The following ZFAT variants were observed in gnomAD, a reference collection of about 807,000 sequenced individuals.
The protein encoded by ZFAT is zinc finger protein ZFAT.
Under a neutral mutation model 117.7 loss-of-function variants are expected in ZFAT, and 64 were observed. The ratio of observed to expected loss-of-function variants is 0.54; its 90% CI spans 0.44 to 0.67. The LOEUF (loss-of-function observed/expected upper bound fraction) is 0.67. Ranked by LOEUF, ZFAT falls within the 30% of genes least tolerant of loss-of-function variation. The pLI is 0.00. For synonymous variants in ZFAT, 679 were observed against 615.0 expected (o/e 1.10, Z -1.54); for missense variants, 1,433 against 1,584.5 (o/e 0.90, Z 1.62).
chr8:134,680,722 T>TA (rs1017081760), intron 1 of ZFAT, among the ~76,000 whole-genome samples: 4 of 151,208 alleles, frequency 2.6e-5, no homozygotes, highest in Admixed American at 6.6e-5. Flanking sequence ...GTTGGGATAA[T>TA]AAAAAAAAAG....
chr8:134,828,943 C>T, the ZFAT span, among the ~76,000 whole-genome samples: 1 of 152,196 alleles, frequency 6.6e-6, no homozygotes, highest in East Asian at 1.9e-4. Context: ...GTTTTTACTG[C>T]TTGTGGACTT....
rs189059107 is a variant in ZFAT, at chr8:134,631,271, C to T, written c.448+6190G>A. ...TTATTACAGAGTAGAAAATAAGCAT[C>T]AGGAATCCACACAGGGTGCCACTTC... On this transcript the variant is annotated intron_variant, in intron 3 of 15. Transcript: ENST00000377838. Among the ~76,000 whole-genome samples the T allele has an allele frequency of 1.2e-4, 18 of 152,270 alleles. No homozygotes were observed. In the East Asian group the frequency reaches 2.3e-3, roughly 20 times the overall value.
At chr8:134,804,705 G>A in the ZFAT span, among the ~76,000 whole-genome samples, 1 of 152,162 alleles carries the variant, frequency 6.6e-6, no homozygotes, top group East Asian at 1.9e-4. Context: ...GCTCGAGACG[G>A]CATATCCTGT....
chr8:134,495,802 T>C (rs6981332), intron 15 of ZFAT, among the ~76,000 whole-genome samples: 104,099 of 152,078 alleles, frequency 0.68, 36,389 homozygotes, highest in East Asian at 0.96. Flanking sequence ...CAGTGGTTCA[T>C]GCCTTTGGTC....
At chr8:134,555,241 G>T (rs1041302509) in intron 11 of ZFAT, among the ~76,000 whole-genome samples, 1 of 151,340 alleles carries the variant, frequency 6.6e-6, no homozygotes. Context: ...AGAGATGCTC[G>T]TTAGAGACTT....
chr8:134,578,416 A>AAAG (rs1294037027), intron 10 of ZFAT, among the ~76,000 whole-genome samples: 3 of 151,218 alleles, frequency 2.0e-5, no homozygotes, highest in African/African-American at 7.3e-5. Flanking sequence ...TGTCTCAAAA[A>AAAG]AAAAAAAAAA....
At chr8:134,660,101 G>A (rs890257051) in intron 1 of ZFAT, among the ~76,000 whole-genome samples, 1 of 152,148 alleles carries the variant, frequency 6.6e-6, no homozygotes, top group Non-Finnish European at 1.5e-5. Flanking sequence ...TTTATAGGAG[G>A]CCAAGTTGTT....
intron 3 of ZFAT, among the ~76,000 whole-genome samples, chr8:134,631,249 T>C (rs1040213555): frequency 1.3e-5 from 2 of 152,208 alleles, no homozygotes; most frequent in Non-Finnish European, 2.9e-5. Flanking sequence ...TGCCTAATTA[T>C]TACAGAGTAG....
chr8:134,631,843 C>T (rs1181651292), intron 3 of ZFAT, among the ~76,000 whole-genome samples: 2 of 152,198 alleles, frequency 1.3e-5, no homozygotes, highest in Non-Finnish European at 2.9e-5. Flanking sequence ...AGATGAGGAA[C>T]ACATGGGACT....
intron 9 of ZFAT, among the ~76,000 whole-genome samples, chr8:134,585,577 T>C (rs1826009068): frequency 6.6e-6 from 1 of 152,184 alleles, no homozygotes; most frequent in Non-Finnish European, 1.5e-5. Context: ...GACTGAAGTA[T>C]ACATATTTCC....
At chr8:134,565,563 T>G in intron 10 of ZFAT, 142 bp from the exon 11 acceptor site, 1 of 800,220 alleles carries the variant, frequency 1.2e-6, no homozygotes, top group Non-Finnish European at 2.1e-6. Flanking sequence ...AGCGACGAGG[T>G]GCACAGGCAC....
At chr8:134,799,235 T>A in the ZFAT span, among the ~76,000 whole-genome samples, 200 of 152,300 alleles carry the variant, frequency 1.3e-3, no homozygotes, top group African/African-American at 4.5e-3. Context: ...CATTTAGACA[T>A]CTTCCACAGG....
chr8:134,552,397 C>G (rs1472108102), intron 11 of ZFAT, among the ~76,000 whole-genome samples: 2 of 152,180 alleles, frequency 1.3e-5, no homozygotes, highest in Non-Finnish European at 2.9e-5. Flanking sequence ...ATGGCATTCT[C>G]AGGAAAAGTT....
intron 3 of ZFAT, among the ~76,000 whole-genome samples, chr8:134,619,730 A>G (rs1213401837): frequency 6.6e-6 from 1 of 152,212 alleles, no homozygotes; most frequent in South Asian, 2.1e-4. Flanking sequence ...GGCCTCTTGC[A>G]GCCACTCAGG....
chr8:134,730,307 G>T, the ZFAT span, among the ~76,000 whole-genome samples: 1 of 152,206 alleles, frequency 6.6e-6, no homozygotes, highest in African/African-American at 2.4e-5. Context: ...GCAGTTATCT[G>T]CATCAACCTC....
chr8:134,611,195 A>T (rs757462380), intron 3 of ZFAT, among the ~76,000 whole-genome samples: 1 of 152,224 alleles, frequency 6.6e-6, no homozygotes, highest in East Asian at 1.9e-4. Context: ...GAAATGAGCA[A>T]GGGTCTGAGA....
intron 1 of ZFAT, among the ~76,000 whole-genome samples, chr8:134,669,353 A>C (rs928570247): frequency 2.6e-4 from 39 of 152,354 alleles, no homozygotes; most frequent in African/African-American, 8.9e-4. Flanking sequence ...ACCCAGACAG[A>C]AAAGTCGGGT....
chr8:134,546,398 A>C (rs927013235), intron 11 of ZFAT, among the ~76,000 whole-genome samples: 3 of 152,094 alleles, frequency 2.0e-5, no homozygotes, highest in African/African-American at 4.8e-5. Flanking sequence ...TTTTTTCATT[A>C]ATGTCTGGAG....
At chr8:134,746,771 G>T in the ZFAT span, among the ~76,000 whole-genome samples, 1 of 152,184 alleles carries the variant, frequency 6.6e-6, no homozygotes, top group Non-Finnish European at 1.5e-5. Flanking sequence ...ACGAGTTGAA[G>T]AGTAGAGTTA....
Sources: gnomAD v4.1 joint callset for allele counts (sites outside exome capture counted in the v4.1 genomes callset) on GRCh38, gnomAD v4.1.1 for gene constraint, MANE v1.5 for transcripts, NCBI Gene and HGNC (gene_info 2026-07-23, HGNC 2026-07-21) for gene names.